SLC5A4: variants seen among roughly 807,000 people sequenced by gnomAD.
SLC5A4 encodes solute carrier family 5 member 4.
In SLC5A4, 55 loss-of-function variants were observed where a neutral mutation model predicts 70.3. The observed-to-expected ratio is 0.78, with a 90% CI of 0.63 to 0.98. SLC5A4 has a LOEUF of 0.98. Ranked by LOEUF, SLC5A4 falls within the 50% of genes least tolerant of loss-of-function variation. The probability of loss-of-function intolerance (pLI) is 0.00; values close to 1 mark genes in which losing one functional copy is unlikely to be tolerated. For synonymous variants in SLC5A4, 268 were observed against 305.7 expected (o/e 0.88, Z 1.29); for missense variants, 735 against 839.2 (o/e 0.88, Z 1.53).
intron 13 of SLC5A4, among the ~76,000 whole-genome samples, chr22:32,222,983 T>A (rs904324313): frequency 2.6e-5 from 4 of 152,062 alleles, no homozygotes; most frequent in Non-Finnish European, 5.9e-5. Flanking sequence ...GCTCTAAGAT[T>A]TTTTTTTGTA....
At chr22:32,263,979 C>T in the SLC5A4 span, among the ~76,000 whole-genome samples, 5 of 152,034 alleles carry the variant, frequency 3.3e-5, no homozygotes, top group South Asian at 4.1e-4. Context: ...TGTTCTCGCT[C>T]ATAAGGGGAG....
At chr22:32,334,093 ACACAC>A in the SLC5A4 span, among the ~76,000 whole-genome samples, 2 of 150,810 alleles carry the variant, frequency 1.3e-5, no homozygotes, top group South Asian at 2.1e-4. Context: ...CAACACACAC[ACACAC>A]ATCACATAGA....
At chr22:32,332,085 C>T in the SLC5A4 span, among the ~76,000 whole-genome samples, 4 of 152,092 alleles carry the variant, frequency 2.6e-5, no homozygotes, top group Non-Finnish European at 5.9e-5. Flanking sequence ...GGTGCCGGCC[C>T]CTCCCCACCA....
rs77640072 is a variant in SLC5A4, at chr22:32,231,889, C to CT, written c.1022-815dup. Among the ~76,000 whole-genome samples, 1,367 of 146,438 alleles carry CT rather than the reference C, an allele frequency of 9.3e-3. 18 individuals are homozygous for CT. The highest frequency in any genetic ancestry group is 0.032 in the African/African-American group (1,270 of 40,202). On this transcript the variant is annotated intron_variant, in intron 9 of 14. Coordinates refer to ENST00000266086, the MANE Select transcript of SLC5A4 (RefSeq NM_014227.3). ...ATTCCCCACTAGTTAGATACCTACA[C>CT]TTTTTTTTTTTAAGAGACGGGGTCT...
chr22:32,220,829 G>A (rs779327359), intron 14 of SLC5A4, 91 bp downstream of exon 14: 39 of 865,710 alleles, frequency 4.5e-5, no homozygotes, highest in African/African-American at 4.0e-4. Flanking sequence ...CAGCCTTTTC[G>A]GAAGCTGGAT....
At chr22:32,315,957 A>T in the SLC5A4 span, among the ~76,000 whole-genome samples, 2 of 152,220 alleles carry the variant, frequency 1.3e-5, no homozygotes, top group East Asian at 3.9e-4. Flanking sequence ...TCACGAGGTC[A>T]GGAGTTCAAG....
the SLC5A4 span, among the ~76,000 whole-genome samples, chr22:32,316,934 CTGTGTGTGTGTG>C: frequency 4.0e-5 from 6 of 148,622 alleles, no homozygotes; most frequent in South Asian, 2.2e-4. Context: ...ATTAACAACT[CTGTGTGTGTGTG>C]TGTGTGTGTG....
At chr22:32,267,928 T>C in the SLC5A4 span, among the ~76,000 whole-genome samples, 2 of 152,100 alleles carry the variant, frequency 1.3e-5, no homozygotes, top group Non-Finnish European at 2.9e-5. Context: ...ATTGAGACCA[T>C]CCTGGCTAAC....
the SLC5A4 span, among the ~76,000 whole-genome samples, chr22:32,312,391 A>G: frequency 6.6e-6 from 1 of 150,852 alleles, no homozygotes; most frequent in African/African-American, 2.5e-5. Flanking sequence ...ACACACGCAC[A>G]TTCAATATTC....
At chr22:32,346,570 C>T in the SLC5A4 span, among the ~76,000 whole-genome samples, 482 of 143,620 alleles carry the variant, frequency 3.4e-3, 3 homozygotes, top group Middle Eastern at 0.01. Context: ...ACTATCTGAT[C>T]TTTGACAAAC....
chr22:32,227,747 C>T (rs1266480592), intron 11 of SLC5A4, among the ~76,000 whole-genome samples: 1 of 151,946 alleles, frequency 6.6e-6, no homozygotes, highest in Non-Finnish European at 1.5e-5. Context: ...ACCATCTGGC[C>T]AACATGGTGA....
chr22:32,335,178 C>CTG, the SLC5A4 span, among the ~76,000 whole-genome samples: 1 of 152,198 alleles, frequency 6.6e-6, no homozygotes, highest in Non-Finnish European at 1.5e-5. Context: ...ACCCCTGCAG[C>CTG]TGTGCTTCTC....
At chr22:32,308,274 A>G in the SLC5A4 span, among the ~76,000 whole-genome samples, 7 of 152,036 alleles carry the variant, frequency 4.6e-5, no homozygotes, top group Non-Finnish European at 7.4e-5. Flanking sequence ...TAAGCCAATT[A>G]AAAAATTTTA....
chr22:32,313,498 T>C, the SLC5A4 span, among the ~76,000 whole-genome samples: 4,529 of 152,138 alleles, frequency 0.03, 223 homozygotes, highest in African/African-American at 0.11. Context: ...TACAAAGCTA[T>C]AGAGAAGATA....
the SLC5A4 span, among the ~76,000 whole-genome samples, chr22:32,322,680 C>A: frequency 6.6e-6 from 1 of 151,748 alleles, no homozygotes; most frequent in Non-Finnish European, 1.5e-5. Context: ...CTGGGTGGAG[C>A]CCTCGGTTGC....
the SLC5A4 span, among the ~76,000 whole-genome samples, chr22:32,279,870 G>C: frequency 6.6e-6 from 1 of 151,890 alleles, no homozygotes; most frequent in Non-Finnish European, 1.5e-5. Context: ...AGACAGGAAG[G>C]CCAGAAGACC....
the SLC5A4 span, among the ~76,000 whole-genome samples, chr22:32,292,217 A>G: frequency 1.4e-5 from 1 of 73,994 alleles, no homozygotes; most frequent in South Asian, 3.8e-4. Flanking sequence ...TAATATATAT[A>G]TTATATTCTA....
At chr22:32,348,517 G>A in the SLC5A4 span, among the ~76,000 whole-genome samples, 3 of 152,160 alleles carry the variant, frequency 2.0e-5, no homozygotes, top group Non-Finnish European at 2.9e-5. Context: ...AAAGGGTCCC[G>A]ATCCAGACCC....
At chr22:32,260,609 A>G in the SLC5A4 span, among the ~76,000 whole-genome samples, 4 of 152,176 alleles carry the variant, frequency 2.6e-5, no homozygotes, top group Non-Finnish European at 5.9e-5. Context: ...TCCCCAGGGC[A>G]GGAGGGAGAA....
Sources: gnomAD v4.1 joint callset for allele counts (sites outside exome capture counted in the v4.1 genomes callset) on GRCh38, gnomAD v4.1.1 for gene constraint, MANE v1.5 for transcripts, NCBI Gene and HGNC (gene_info 2026-07-23, HGNC 2026-07-21) for gene names.